The following EIF2AK4 variants were observed in gnomAD, a reference collection of about 807,000 sequenced individuals.
The protein encoded by EIF2AK4 is eIF-2-alpha kinase GCN2.
In EIF2AK4, 139 loss-of-function variants were observed where a neutral mutation model predicts 211.1. The observed-to-expected ratio is 0.66, with a 90% CI of 0.57 to 0.76. The LOEUF is 0.76. Ranked by LOEUF, EIF2AK4 falls within the 30% of genes least tolerant of loss-of-function variation. The pLI is 0.00. For synonymous variants in EIF2AK4, 710 were observed against 751.3 expected (o/e 0.94, Z 0.90); for missense variants, 1,664 against 2,043.8 (o/e 0.81, Z 3.58).
chr15:39,942,997 A>G (rs959923667), intron 2 of EIF2AK4, among the ~76,000 whole-genome samples: 2 of 151,580 alleles, frequency 1.3e-5, no homozygotes, highest in Non-Finnish European at 2.9e-5. Flanking sequence ...TGGTTAAGTT[A>G]CTGGGCTAGA....
At chr15:40,004,512 C>G (rs376315862) in intron 23 of EIF2AK4, among the ~76,000 whole-genome samples, 2 of 151,988 alleles carry the variant, frequency 1.3e-5, no homozygotes, top group Non-Finnish European at 2.9e-5. Context: ...AGTTCAAGAC[C>G]AGCCTGGGCA....
chr15:39,943,047 G>A (rs1397007035), intron 2 of EIF2AK4, among the ~76,000 whole-genome samples: 7 of 150,552 alleles, frequency 4.6e-5, no homozygotes, highest in African/African-American at 1.7e-4. Context: ...TTTTTTTTAA[G>A]GTGAAGAACT....
intron 31 of EIF2AK4, 188 bp from the exon 32 acceptor site, chr15:40,022,331 A>G: frequency 1.8e-6 from 1 of 545,204 alleles, no homozygotes. Flanking sequence ...AAGGGAGGCA[A>G]GAGAGGCCTT....
chr15:39,999,705 G>A (rs1285459678), intron 20 of EIF2AK4, among the ~76,000 whole-genome samples: 4 of 152,092 alleles, frequency 2.6e-5, no homozygotes, highest in African/African-American at 4.8e-5. Flanking sequence ...GACCTATTCT[G>A]CCTCATCTGT....
rs12916007 is a variant in EIF2AK4 at position 40,020,637 on chromosome 15, G to A, written c.4174-262G>A. The A allele has an allele frequency of 0.26, 46,947 of 182,688 alleles. 7,389 individuals carry two copies. Among genetic ancestry groups the A allele is most frequent in the Non-Finnish European group, 0.35 (30,221 of 87,308 alleles). 11.3% of individuals were successfully genotyped at this position (182,688 alleles called of 1,614,324 possible). The stretch of plus-strand genomic sequence containing the variant: ...ACAGGAGGCGGAGGTTACAGTGAGC[G>A]GAGATCGTGCCACTGTACTCCAGCC... On this transcript the variant is annotated intron_variant, in intron 30 of 38. Transcript: ENST00000263791.
rs1329813423 is a variant in EIF2AK4, at chr15:39,992,220, G to T, written c.2677G>T (p.Asp893Tyr). 6.2e-7 allele frequency: 1 copy of T among 1,611,360 alleles called. No homozygotes were observed. The highest frequency in any genetic ancestry group is 8.5e-7 in the Non-Finnish European group (1 of 1,178,680). Residue 893 changes from aspartate to tyrosine, a missense_variant, in exon 17 of 39, where the codon GAC (aspartate) becomes TAC (tyrosine). Physicochemically the swap from Asp to Tyr is radical, Grantham distance 160 (BLOSUM62 -3). This residue lies in a region of EIF2AK4 where 622 missense variants were observed against 796.8 expected (regional missense o/e 0.78). Transcript: ENST00000263791. ...DDQTGDLIKS[D>Y]PSGHLTGMVG... Reference sequence around the variant, plus strand: ...TCAGACAGGAGACTTGATTAAGTCAGACCCTTCAGGTAAACCCAGAAGACT... The same window carrying T: ...TCAGACAGGAGACTTGATTAAGTCATACCCTTCAGGTAAACCCAGAAGACT...
chr15:39,966,071 C>G (rs1386770066), intron 8 of EIF2AK4, among the ~76,000 whole-genome samples: 1 of 152,178 alleles, frequency 6.6e-6, no homozygotes, highest in Non-Finnish European at 1.5e-5. Flanking sequence ...TCTTAACCTC[C>G]TTTCTTAGCC....
chr15:39,976,800 C>T lies in EIF2AK4; in HGVS notation c.2205C>T (p.Asp735=), dbSNP rs757082390. Residue 735 remains aspartate, a synonymous_variant, in exon 12 of 39, where the codon GAC becomes GAT. Coordinates refer to ENST00000263791, the MANE Select transcript of EIF2AK4 (RefSeq NM_001013703.4). Reference sequence around the variant, plus strand: ...GCCCGGGCTCCAGCGATGACGAGGACGACGACGAGGACGAGCACGGTGGCG... The same window carrying T: ...GCCCGGGCTCCAGCGATGACGAGGATGACGACGAGGACGAGCACGGTGGCG... ...ATGPGSSDDE[D]DDEDEHGGVF... is the part of the protein sequence containing the mutation. The T allele has an allele frequency of 1.3e-6, 2 of 1,575,438 alleles. No homozygotes were observed. The highest frequency in any genetic ancestry group is 8.6e-7 in the Non-Finnish European group (1 of 1,163,304).
At chr15:39,985,063 G>T (rs1595409815) in intron 13 of EIF2AK4, among the ~76,000 whole-genome samples, 2 of 152,154 alleles carry the variant, frequency 1.3e-5, no homozygotes, top group Admixed American at 6.5e-5. Flanking sequence ...TAGCATGAAG[G>T]GGTGTTGAAT....
chr15:40,007,099 A>G (rs2035172434), intron 24 of EIF2AK4, 34 bp downstream of exon 24: 2 of 1,497,884 alleles, frequency 1.3e-6, no homozygotes, highest in Non-Finnish European at 1.9e-6. Flanking sequence ...TTTGGTAGAC[A>G]TAGGAAAATA....
In EIF2AK4 at chr15:39,934,342, A is replaced by G; in HGVS notation, c.144+3A>G. 6.2e-7 allele frequency: 1 copy of G among 1,604,820 alleles called. No individual in the cohort carries two copies. Among genetic ancestry groups the G allele is most frequent in the Non-Finnish European group, 8.5e-7 (1 of 1,176,048 alleles). On this transcript the variant is annotated splice_donor_region_variant and intron_variant, in intron 1 of 38. Transcript: ENST00000263791. The stretch of plus-strand genomic sequence containing the variant: ...TGCGGCCGGACGCTTGCGGACCGGT[A>G]GGAACGTGGCTTGTCAGGCCCGGGC...
intron 7 of EIF2AK4, among the ~76,000 whole-genome samples, chr15:39,963,595 T>C (rs2140910780): frequency 6.6e-6 from 1 of 152,336 alleles, no homozygotes; most frequent in South Asian, 2.1e-4. Context: ...AAAAACAATA[T>C]TTGTTTTTCA....
intron 2 of EIF2AK4, among the ~76,000 whole-genome samples, chr15:39,940,301 T>A (rs970635462): frequency 1.3e-5 from 2 of 152,226 alleles, no homozygotes; most frequent in Non-Finnish European, 2.9e-5. Context: ...TTTGGTGTAA[T>A]CTTTCCCCAC....
rs1029266798 is a variant in EIF2AK4, at chr15:40,009,847, A to G, written c.3693+117A>G. On this transcript the variant is annotated intron_variant, in intron 26 of 38. Coordinates refer to ENST00000263791, the MANE Select transcript of EIF2AK4 (RefSeq NM_001013703.4). ...GCCATGAAACTGAATTGGGAGCCTT[A>G]TCTCCTTCCTTCATTGCTCTAAATT... 108 of 733,334 alleles carry G rather than the reference A, an allele frequency of 1.5e-4. No homozygotes were observed. The South Asian group carries it at 1.7e-3, about 11-fold the overall frequency. 45.4% of individuals were successfully genotyped at this position (733,334 alleles called of 1,614,324 possible).
chr15:39,980,184 A>G (rs1260487784), intron 13 of EIF2AK4, among the ~76,000 whole-genome samples: 1 of 152,218 alleles, frequency 6.6e-6, no homozygotes, highest in African/African-American at 2.4e-5. Flanking sequence ...TTCATTTTTA[A>G]GGGTTGCAGC....
At position 40,017,156 on chromosome 15, in the gene EIF2AK4, A is replaced by G. The variant is rs370038685; in HGVS notation, c.3979A>G (p.Ile1327Val). The change falls in exon 29 of 39, where the codon ATC (isoleucine) becomes GTC (valine). Residue 1327 changes from isoleucine (I) to valine (V), a missense_variant. This residue lies in a region of EIF2AK4 where 622 missense variants were observed against 796.8 expected (regional missense o/e 0.78). Transcript: ENST00000263791. ...LVYKVQQHNG[I>V]IFQFVAFIKR... ...TTACAAGGTGCAGCAGCACAATGGA[A>G]TCATCTTCCAGTTTGTGGCTTTCAT... The G allele has an allele frequency of 5.0e-5, 81 of 1,613,938 alleles. No individual in the cohort carries two copies. The highest frequency in any genetic ancestry group is 4.0e-4 in the East Asian group (18 of 44,866).
intron 13 of EIF2AK4, among the ~76,000 whole-genome samples, chr15:39,979,777 A>G (rs1387816129): frequency 1.3e-5 from 2 of 152,224 alleles, no homozygotes; most frequent in African/African-American, 4.8e-5. Context: ...CACAGGCATT[A>G]CTTTTAGTCA....
chr15:40,031,972 AG>A (rs2035550252), intron 35 of EIF2AK4, among the ~76,000 whole-genome samples, 196 bp from the exon 36 acceptor site: 1 of 152,158 alleles, frequency 6.6e-6, no homozygotes, highest in East Asian at 1.9e-4. Context: ...GTGATCCCCC[AG>A]CCTTGGCCTC....
Position 40,029,423 on chromosome 15 carries a change from T to A in EIF2AK4, c.4520T>A (p.Leu1507His). 1 of 1,613,168 alleles carries A rather than the reference T, an allele frequency of 6.2e-7. No homozygotes were observed. ...ERNGREASDNLAVQNLKGSFS... is the reference protein window; with the variant it reads ...ERNGREASDNHAVQNLKGSFS... ...GTTTTTAGAGAAGCTTCCGATAATC[T>A]TGCAGTGCAAAATCTGAAGGGGTCA... The change falls in exon 34 of 39, where the codon CTT becomes CAT. Residue 1507 changes from leucine (L) to histidine (H), a missense_variant. Physicochemically the swap from Leu to His is moderately conservative, Grantham distance 99. Transcript: ENST00000263791.
Sources: gnomAD v4.1 joint callset for allele counts (sites outside exome capture counted in the v4.1 genomes callset) on GRCh38, gnomAD v4.1.1 for gene constraint, gnomAD v4.1.1 regional missense constraint, MANE v1.5 for transcripts, NCBI Gene and HGNC (gene_info 2026-07-23, HGNC 2026-07-21) for gene names.